DYM: variants seen among roughly 807,000 people sequenced by gnomAD.
DYM encodes the protein dyggve-Melchior-Clausen syndrome protein.
DYM carries 78 observed loss-of-function variants against 93.1 expected under a neutral mutation model. The observed-to-expected ratio is 0.84, with a 90% confidence interval of 0.70 to 1.01. DYM has a LOEUF of 1.01. Ranked by LOEUF, DYM falls within the 50% of genes least tolerant of loss-of-function variation. The pLI is 0.00. For synonymous variants in DYM, 321 were observed against 319.7 expected, an observed-to-expected ratio of 1.00 and a Z score of -0.04; for missense variants, 789 against 845.0, an observed-to-expected ratio of 0.93 and a Z score of 0.82.
chr18:49,384,343 A>T (rs1284045678), intron 3 of DYM, among the ~76,000 whole-genome samples: 1 of 129,662 alleles, frequency 7.7e-6, no homozygotes. Flanking sequence ...AAAAAAAAAA[A>T]GGCTGGGTGC....
intron 13 of DYM, among the ~76,000 whole-genome samples, chr18:49,219,525 G>A (rs1411756442): frequency 1.3e-5 from 2 of 152,058 alleles, no homozygotes; most frequent in African/African-American, 4.8e-5. Context: ...CTGGCAAACT[G>A]AATCCAGCAG....
chr18:49,100,755 G>A lies in DYM; in HGVS notation c.1912-3240C>T, dbSNP rs571662915. On this transcript the variant is annotated intron_variant, in intron 16 of 17. Transcript: ENST00000675505. Reference sequence around the variant, plus strand: ...TGTTTAATTCTCATGACAATCCCATGAGGCTGATAAAAATCTCTGTCCTAC... The same window carrying A: ...TGTTTAATTCTCATGACAATCCCATAAGGCTGATAAAAATCTCTGTCCTAC... Among the ~76,000 whole-genome samples, 19 of 152,304 alleles carry A rather than the reference G, an allele frequency of 1.2e-4. No homozygotes were observed. In the South Asian group the frequency reaches 3.9e-3, roughly 32 times the overall value.
intron 10 of DYM, among the ~76,000 whole-genome samples, chr18:49,275,777 G>GT (rs1347669960): frequency 1.3e-5 from 2 of 152,042 alleles, no homozygotes; most frequent in Non-Finnish European, 1.5e-5. Context: ...ATAATATTTT[G>GT]TAGTTTTCAC....
chr18:49,231,168 T>C (rs567593262), intron 13 of DYM, among the ~76,000 whole-genome samples: 2 of 152,350 alleles, frequency 1.3e-5, no homozygotes, highest in East Asian at 3.9e-4. Flanking sequence ...TTTCAACTTA[T>C]TTATTCATAT....
At chr18:49,157,129 G>A (rs2144895593) in intron 15 of DYM, among the ~76,000 whole-genome samples, 1 of 152,216 alleles carries the variant, frequency 6.6e-6, no homozygotes, top group South Asian at 2.1e-4. Context: ...TTGGGGTTCA[G>A]GTACACGCTG....
chr18:49,363,317 T>A (rs1333076191), intron 5 of DYM, 84 bp from the exon 6 acceptor site: 9 of 948,360 alleles, frequency 9.5e-6, no homozygotes, highest in Admixed American at 7.2e-5. Context: ...TCATTCCTAA[T>A]GAGAATACAA....
intron 14 of DYM, among the ~76,000 whole-genome samples, chr18:49,189,293 C>T (rs942546318): frequency 1.3e-5 from 2 of 152,062 alleles, no homozygotes; most frequent in African/African-American, 4.8e-5. Context: ...TGAATGTATT[C>T]CCTGAATCGA....
chr18:49,203,030 C>T (rs1486113648), intron 14 of DYM, among the ~76,000 whole-genome samples: 1 of 12,128 alleles, frequency 8.2e-5, no homozygotes, highest in African/African-American at 1.8e-4. Flanking sequence ...CCTGGCCGGC[C>T]GTGCCGTCCG....
chr18:49,195,669 T>C (rs996914899), intron 14 of DYM, among the ~76,000 whole-genome samples: 1 of 152,138 alleles, frequency 6.6e-6, no homozygotes, highest in Non-Finnish European at 1.5e-5. Flanking sequence ...GTTTTGTGTT[T>C]TTAGGAGGGA....
chr18:49,077,872 G>T (rs767006771), intron 17 of DYM, among the ~76,000 whole-genome samples: 45 of 151,968 alleles, frequency 3.0e-4, no homozygotes, highest in Non-Finnish European at 5.9e-4. Context: ...ACAGTATATA[G>T]TTGGGTCTTA....
At chr18:49,065,062 AG>A (rs2076279434) in intron 17 of DYM, among the ~76,000 whole-genome samples, 1 of 152,116 alleles carries the variant, frequency 6.6e-6, no homozygotes, top group East Asian at 1.9e-4. Context: ...TATGCTTAAA[AG>A]TTACTTGTTT....
chr18:49,363,135 C>A, intron 6 of DYM, 26 bp downstream of exon 6: 1 of 1,595,672 alleles, frequency 6.3e-7, no homozygotes, highest in Non-Finnish European at 8.6e-7. Flanking sequence ...GAAGATAAAA[C>A]AAATCCTGGC....
intron 2 of DYM, among the ~76,000 whole-genome samples, chr18:49,392,105 AAG>A (rs1325408296): frequency 6.6e-6 from 1 of 152,232 alleles, no homozygotes; most frequent in Non-Finnish European, 1.5e-5. Flanking sequence ...AAAGCAAGAA[AAG>A]AGAGACGATA....
intron 14 of DYM, among the ~76,000 whole-genome samples, chr18:49,176,232 A>G (rs556599117): frequency 6.6e-6 from 1 of 152,308 alleles, no homozygotes; most frequent in East Asian, 1.9e-4. Context: ...CTGATAAAAT[A>G]TGTTGAAAAT....
intron 3 of DYM, among the ~76,000 whole-genome samples, chr18:49,384,651 C>A: frequency 6.7e-6 from 1 of 149,530 alleles, no homozygotes. Context: ...AAGAGAGCAG[C>A]CTGACATTAA....
intron 13 of DYM, among the ~76,000 whole-genome samples, chr18:49,249,690 A>T (rs2094245455): frequency 6.6e-6 from 1 of 152,174 alleles, no homozygotes; most frequent in Admixed American, 6.5e-5. Context: ...TGGGTGATTA[A>T]AATATGTGTC....
chr18:49,199,390 T>G (rs527580389), intron 14 of DYM, among the ~76,000 whole-genome samples: 1 of 152,098 alleles, frequency 6.6e-6, no homozygotes. Flanking sequence ...AATAAAAAAA[T>G]TTATCTATTA....
chr18:49,202,007 T>A (rs568130634), intron 14 of DYM, among the ~76,000 whole-genome samples: 4 of 152,218 alleles, frequency 2.6e-5, no homozygotes, highest in African/African-American at 4.8e-5. Context: ...CTCTATTGTA[T>A]GGCAGAGACT....
intron 2 of DYM, among the ~76,000 whole-genome samples, chr18:49,417,266 A>G (rs931396323): frequency 2.0e-5 from 3 of 152,230 alleles, no homozygotes; most frequent in Non-Finnish European, 1.5e-5. Flanking sequence ...CTCCTGACTC[A>G]GCCTCCCAAG....
Sources: allele counts gnomAD v4.1 joint callset (sites outside exome capture counted in the v4.1 genomes callset), GRCh38; gene constraint gnomAD v4.1.1; transcripts MANE v1.5; gene names NCBI Gene and HGNC (gene_info 2026-07-23, HGNC 2026-07-21).